KDM4C: variants seen among roughly 807,000 people sequenced by gnomAD.
The protein encoded by KDM4C is lysine demethylase 4C.
Under a neutral mutation model 129.3 loss-of-function variants are expected in KDM4C, and 81 were observed. That is an observed-to-expected ratio of 0.63 (90% CI 0.52 to 0.75). The LOEUF (loss-of-function observed/expected upper bound fraction) is 0.75. Ranked by LOEUF, KDM4C falls within the 30% of genes least tolerant of loss-of-function variation. The pLI is 0.00. For missense variants in KDM4C, 1,457 were observed against 1,304.0 expected, an observed-to-expected ratio of 1.12 and a Z score of -1.81; for synonymous variants, 573 against 456.1, an observed-to-expected ratio of 1.26 and a Z score of -3.26.
chr9:6,821,648 T>A (rs559825549), intron 4 of KDM4C, among the ~76,000 whole-genome samples: 1 of 152,176 alleles, frequency 6.6e-6, no homozygotes, highest in African/African-American at 2.4e-5. Flanking sequence ...AGCCTCTCTT[T>A]CATTCTTTTT....
chr9:6,969,801 A>G (rs1831637355), intron 8 of KDM4C, among the ~76,000 whole-genome samples: 1 of 152,220 alleles, frequency 6.6e-6, no homozygotes, highest in Admixed American at 6.5e-5. Context: ...TATTAAGTGC[A>G]TCGATTCTGC....
rs141163591 is a variant in KDM4C, at chr9:6,766,955, AATTCCAGTCCTCAGG to A, written c.-18+8754_-18+8768del. Among the ~76,000 whole-genome samples, 1,133 of 152,078 alleles carry A rather than the reference AATTCCAGTCCTCAGG, an allele frequency of 7.5e-3. 14 individuals carry two copies. Among genetic ancestry groups the A allele is most frequent in the African/African-American group, 0.026 (1,073 of 41,470 alleles). ...GTTTTTTGTACCAGATGTTTGTTTA[AATTCCAGTCCTCAGG>A]ACAGGCTTTGTCTGATCATTAGTAT... is the stretch of plus-strand genomic sequence containing the variant. On this transcript the variant is annotated intron_variant, in intron 1 of 21. Transcript: ENST00000381309.
At chr9:7,117,740 G>A (rs1227646960) in intron 18 of KDM4C, among the ~76,000 whole-genome samples, 3 of 151,800 alleles carry the variant, frequency 2.0e-5, no homozygotes, top group Non-Finnish European at 4.4e-5. Flanking sequence ...CAAGAAGCCT[G>A]AAGAACTCCT....
intron 8 of KDM4C, among the ~76,000 whole-genome samples, chr9:6,950,354 A>G (rs1283060313): frequency 6.6e-6 from 1 of 152,202 alleles, no homozygotes; most frequent in Non-Finnish European, 1.5e-5. Flanking sequence ...TAGAATGAAG[A>G]AAATTACACT....
intron 1 of KDM4C, among the ~76,000 whole-genome samples, chr9:6,781,612 A>G (rs770574931): frequency 1.3e-5 from 2 of 152,136 alleles, no homozygotes; most frequent in Non-Finnish European, 2.9e-5. Flanking sequence ...AATCACCAAC[A>G]GACAGTGTAA....
chr9:6,931,197 C>T (rs1823670141), intron 8 of KDM4C, among the ~76,000 whole-genome samples: 1 of 151,788 alleles, frequency 6.6e-6, no homozygotes, highest in Admixed American at 6.6e-5. Context: ...TGGATACTCC[C>T]CTTGTTTTTC....
At chr9:7,078,332 G>A (rs747266184) in intron 17 of KDM4C, among the ~76,000 whole-genome samples, 5 of 151,098 alleles carry the variant, frequency 3.3e-5, no homozygotes, top group Admixed American at 6.6e-5. Context: ...ACTTTGCCTA[G>A]TGACCCCAGT....
At chr9:7,089,824 C>T (rs1835583880) in intron 17 of KDM4C, among the ~76,000 whole-genome samples, 1 of 152,208 alleles carries the variant, frequency 6.6e-6, no homozygotes, top group African/African-American at 2.4e-5. Context: ...GCTGGCTCGG[C>T]CTTTCCTTTG....
chr9:6,952,509 C>T (rs988064763), intron 8 of KDM4C, among the ~76,000 whole-genome samples: 6 of 151,644 alleles, frequency 4.0e-5, no homozygotes, highest in African/African-American at 9.7e-5. Flanking sequence ...GGCACGATCT[C>T]GGCTCACTGC....
In KDM4C at chr9:6,770,712, T is replaced by C. The variant is rs866432833; in HGVS notation, c.-18+12509T>C. ...TTGTGTTTGATGTTTTTCAACGTCT[T>C]TTTTTTTTTTTTTCAATATAGCCGG... On this transcript the variant is annotated intron_variant, in intron 1 of 21. Coordinates refer to ENST00000381309, the MANE Select transcript of KDM4C (RefSeq NM_015061.6). 6.6e-4 allele frequency among the ~76,000 whole-genome samples: 71 copies of C among 108,138 alleles called. 2 individuals are homozygous for C. The South Asian group carries it at 0.02, about 31-fold the overall frequency. 70.9% of individuals were successfully genotyped at this position (108,138 alleles called of 152,430 possible). A position where few individuals can be genotyped will look rare whatever the true frequency, so the allele number is the denominator to read the frequency against.
chr9:7,012,718 TCAAA>T (rs1822936430), intron 13 of KDM4C, among the ~76,000 whole-genome samples: 1 of 152,206 alleles, frequency 6.6e-6, no homozygotes, highest in Non-Finnish European at 1.5e-5. Flanking sequence ...TCCTCAGCAC[TCAAA>T]CAGTTGAAAT....
intron 1 of KDM4C, among the ~76,000 whole-genome samples, chr9:6,739,793 T>G (rs1439612175): frequency 2.0e-5 from 3 of 152,052 alleles, no homozygotes; most frequent in African/African-American, 7.2e-5. Flanking sequence ...AGTTCGAGAC[T>G]GCCCTGGGCA....
rs940736518 is a variant in KDM4C, at chr9:6,971,538, C to A, written c.922-9387C>A. Among the ~76,000 whole-genome samples, 7 of 152,046 alleles carry A rather than the reference C, an allele frequency of 4.6e-5. No homozygotes were observed. In the East Asian group the frequency reaches 1.4e-3, roughly 29 times the overall value. On this transcript the variant is annotated intron_variant, in intron 8 of 21. Coordinates refer to ENST00000381309, the MANE Select transcript of KDM4C (RefSeq NM_015061.6). Reference sequence around the variant, plus strand: ...CGGGTAGTCAAGGAATTCTTTTGTCCAGAGCTTGTTAATGATTCATTACAT... The same window carrying A: ...CGGGTAGTCAAGGAATTCTTTTGTCAAGAGCTTGTTAATGATTCATTACAT...
intron 8 of KDM4C, among the ~76,000 whole-genome samples, chr9:6,979,106 AT>A (rs1816305260): frequency 6.6e-6 from 1 of 152,146 alleles, no homozygotes; most frequent in South Asian, 2.1e-4. Context: ...TTGTGAAGCA[AT>A]ATTAGTAACA....
chr9:6,813,702 C>G (rs908219582), intron 3 of KDM4C, among the ~76,000 whole-genome samples: 2 of 152,114 alleles, frequency 1.3e-5, no homozygotes, highest in Non-Finnish European at 2.9e-5. Context: ...CCTAATAATA[C>G]AGAGAAGTAA....
At position 7,113,235 on chromosome 9, in the gene KDM4C, A is replaced by G. The variant is rs80192415; in HGVS notation, c.2610+9365A>G. 7.7e-4 allele frequency among the ~76,000 whole-genome samples: 118 copies of G among 152,314 alleles called. 5 individuals are homozygous for G. In the East Asian group the frequency reaches 0.016, roughly 21 times the overall value. ...TTTAAAAGAAATCCCTCACCTTTCT[A>G]TCAATAGAAGGGTTTTGTTGAGCTC... On this transcript the variant is annotated intron_variant, in intron 18 of 21. Transcript: ENST00000381309.
rs961118150 is a variant in KDM4C at position 6,848,389 on chromosome 9, G to A, written c.436-1118G>A. 3.9e-5 allele frequency among the ~76,000 whole-genome samples: 6 copies of A among 152,228 alleles called. No homozygotes were observed. The East Asian group carries it at 5.8e-4, about 15-fold the overall frequency. ...GTAGTCAATTCATGAGTGATTGGCC[G>A]GGTGTGGTGGCTCACGCTTGTAATC... On this transcript the variant is annotated intron_variant, in intron 4 of 21. Transcript: ENST00000381309.
intron 18 of KDM4C, 116 bp downstream of exon 18, chr9:7,103,986 T>C: frequency 6.4e-6 from 6 of 938,438 alleles, no homozygotes; most frequent in Non-Finnish European, 9.7e-6. Flanking sequence ...TGTTGACATG[T>C]CTAGACCGTG....
chr9:6,831,270 G>A (rs1564112594), intron 4 of KDM4C, among the ~76,000 whole-genome samples: 2 of 152,118 alleles, frequency 1.3e-5, no homozygotes, highest in Non-Finnish European at 2.9e-5. Context: ...AAAAATTTGA[G>A]GTAAGTAGCC....
Sources: gnomAD v4.1 joint callset for allele counts (sites outside exome capture counted in the v4.1 genomes callset) on GRCh38, gnomAD v4.1.1 for gene constraint, MANE v1.5 for transcripts, NCBI Gene and HGNC (gene_info 2026-07-23, HGNC 2026-07-21) for gene names.